Variants in ATP2B4 observed in about 807,000 individuals in gnomAD.
The protein encoded by ATP2B4 is ATPase plasma membrane Ca2+ transporting 4.
ATP2B4 carries 39 observed loss-of-function variants against 110.3 expected under a neutral mutation model. The ratio of observed to expected loss-of-function variants is 0.35; its 90% CI spans 0.27 to 0.46. ATP2B4 has a LOEUF of 0.46. Ranked by LOEUF, ATP2B4 falls within the 20% of genes least tolerant of loss-of-function variation. ATP2B4 has a pLI of 1.00. For synonymous variants in ATP2B4, 538 were observed against 571.7 expected, an observed-to-expected ratio of 0.94 and a Z score of 0.84; for missense variants, 1,135 against 1,530.9, an observed-to-expected ratio of 0.74 and a Z score of 4.32.
chr1:203,646,748 C>T (rs1270445041), intron 1 of ATP2B4, among the ~76,000 whole-genome samples: 1 of 151,848 alleles, frequency 6.6e-6, no homozygotes, highest in Admixed American at 6.6e-5. Context: ...GGTGACAGAG[C>T]GAGACTCCAT....
intron 1 of ATP2B4, among the ~76,000 whole-genome samples, chr1:203,670,212 G>C (rs369220709): frequency 7.4e-6 from 1 of 135,556 alleles, no homozygotes; most frequent in African/African-American, 3.3e-5. Flanking sequence ...GAGTCTCACT[G>C]TGTCACCCAG....
intron 20 of ATP2B4, among the ~76,000 whole-genome samples, chr1:203,731,909 T>C (rs1217849156): frequency 6.4e-5 from 9 of 140,840 alleles, no homozygotes; most frequent in Non-Finnish European, 9.1e-5. Context: ...CTGGGCACAG[T>C]GGCTCACGCC....
chr1:203,666,878 A>C (rs1040294670), intron 1 of ATP2B4, among the ~76,000 whole-genome samples: 1 of 152,200 alleles, frequency 6.6e-6, no homozygotes, highest in Non-Finnish European at 1.5e-5. Flanking sequence ...CTAAGAAGCC[A>C]CTTTGACCAT....
chr1:203,683,786 A>G (rs1394797085), intron 2 of ATP2B4, among the ~76,000 whole-genome samples: 6 of 142,282 alleles, frequency 4.2e-5, no homozygotes, highest in African/African-American at 1.6e-4. Flanking sequence ...CCATCTTCCT[A>G]CCTCAGTCTG....
Position 203,709,373 on chromosome 1 carries a change from A to C in ATP2B4, c.1630A>C (p.Thr544Pro), listed in dbSNP as rs1464352527. 6.2e-7 allele frequency: 1 copy of C among 1,614,158 alleles called. No homozygotes were observed. Among genetic ancestry groups the C allele is most frequent in the Non-Finnish European group, 8.5e-7 (1 of 1,180,028 alleles). Residue 544 changes from threonine to proline, a missense_variant, in exon 11 of 21, where the codon ACA becomes CCA. By Grantham distance (38) the Thr-to-Pro change is conservative (BLOSUM62 -1). This residue lies in a region of ATP2B4 where 368 missense variants were observed against 455.9 expected (regional missense o/e 0.81). Transcript: ENST00000357681. ...CGAGTGTGCTCTGCTAGGCTTTGTCACAGATCTGAAGCAGGATTATCAGGC... is the reference window on the plus strand; with the variant it reads ...CGAGTGTGCTCTGCTAGGCTTTGTCCCAGATCTGAAGCAGGATTATCAGGC... ...KTECALLGFV[T>P]DLKQDYQAVR... is the part of the protein sequence containing the mutation.
At chr1:203,640,134 A>AT (rs1414420783) in intron 1 of ATP2B4, among the ~76,000 whole-genome samples, 9 of 152,146 alleles carry the variant, frequency 5.9e-5, no homozygotes, top group Non-Finnish European at 1.0e-4. Context: ...AAAGTGCTAG[A>AT]TATACGTAAA....
intron 1 of ATP2B4, among the ~76,000 whole-genome samples, chr1:203,663,990 CTGAG>C (rs2102335771): frequency 1.3e-5 from 2 of 152,276 alleles, no homozygotes; most frequent in East Asian, 3.9e-4. Flanking sequence ...ATGGCCTTAA[CTGAG>C]TGAGTCACTT....
chr1:203,706,971 C>A, intron 8 of ATP2B4, 38 bp from the exon 9 acceptor site: 1 of 1,592,264 alleles, frequency 6.3e-7, no homozygotes, highest in East Asian at 2.2e-5. Context: ...TAGGACTGCC[C>A]TCCAGCCTGG....
rs1665627083 is a variant in ATP2B4, at chr1:203,699,464, T to C, written c.396T>C (p.Cys132=). 1 of 1,614,068 alleles carries C rather than the reference T, an allele frequency of 6.2e-7. No individual in the cohort carries two copies. Among genetic ancestry groups the C allele is most frequent in the Non-Finnish European group, 8.5e-7 (1 of 1,180,028 alleles). ...YRPAGEENEL[C]GQVATTPEDE... The stretch of plus-strand genomic sequence containing the variant: ...TTCTCTCCCTTCCTGGGATAGTGTG[T>C]GGTCAAGTCGCAACTACCCCAGAAG... Residue 132 remains cysteine (C), a synonymous_variant, in exon 4 of 21, where the codon TGT becomes TGC. Transcript: ENST00000357681.
rs1571718069 is a variant in ATP2B4 at position 203,682,964 on chromosome 1, C to T, written c.-242C>T. On this transcript the variant is annotated 5_prime_UTR_variant, in exon 2 of 21. Coordinates refer to ENST00000357681, the MANE Select transcript of ATP2B4 (RefSeq NM_001684.5). ...ATCATCGTGACACGGAGTCCACCTT[C>T]CACTCAGTTCCCCCATCCTCTTCCT... 4.5e-6 allele frequency: 2 copies of T among 439,748 alleles called. No homozygotes were observed. Among genetic ancestry groups the T allele is most frequent in the East Asian group, 8.0e-5 (2 of 25,078 alleles). The allele number at this position is 439,748 out of a possible 1,614,324, so 27.2% of individuals were successfully genotyped here.
chr1:203,727,591 T>A lies in ATP2B4; in HGVS notation c.3309+20T>A. 6.2e-7 allele frequency: 1 copy of A among 1,611,624 alleles called. No homozygotes were observed. Among genetic ancestry groups the A allele is most frequent in the Non-Finnish European group, 8.5e-7 (1 of 1,179,164 alleles). On this transcript the variant is annotated intron_variant, in intron 20 of 20. Transcript: ENST00000357681. ...ACTCAGGTACTCTGATAGTGGTCTG[T>A]CCTTCCCTTGGGAGAAGCAGCTTCC...
intron 1 of ATP2B4, among the ~76,000 whole-genome samples, chr1:203,671,028 C>T (rs1310143114): frequency 6.6e-6 from 1 of 152,196 alleles, no homozygotes; most frequent in African/African-American, 2.4e-5. Context: ...GTTAATGTGT[C>T]TGTTGGCAGT....
chr1:203,696,037 G>T (rs570702566), intron 2 of ATP2B4, among the ~76,000 whole-genome samples: 7 of 152,184 alleles, frequency 4.6e-5, no homozygotes, highest in Non-Finnish European at 1.0e-4. Context: ...CAATTCTCTT[G>T]CCTCAGCCTC....
intron 1 of ATP2B4, among the ~76,000 whole-genome samples, chr1:203,639,451 G>A (rs1663560145): frequency 6.6e-6 from 1 of 152,200 alleles, no homozygotes; most frequent in Non-Finnish European, 1.5e-5. Flanking sequence ...GGGACTCACA[G>A]CAAGCCCCGC....
intron 19 of ATP2B4, among the ~76,000 whole-genome samples, chr1:203,726,354 C>G (rs1016418719): frequency 6.6e-6 from 1 of 152,068 alleles, no homozygotes; most frequent in East Asian, 1.9e-4. Context: ...AGGCATGAAC[C>G]GCTGCACCCA....
Position 203,722,634 on chromosome 1 carries a change from G to T in ATP2B4, c.2969G>T (p.Gly990Val), listed in dbSNP as rs760671233. 3 of 1,614,144 alleles carry T rather than the reference G, an allele frequency of 1.9e-6. No homozygotes were observed. In the South Asian group the frequency reaches 3.3e-5, roughly 18 times the overall value. ...CATGGAGAGAAGAACGTCTTTTCAG[G>T]CATCTACCGCAACATTATCTTCTGC... is the stretch of plus-strand genomic sequence containing the variant. ...KIHGEKNVFS[G>V]IYRNIIFCSV... is the part of the protein sequence containing the mutation. Residue 990 changes from glycine (G) to valine (V), a missense_variant, in exon 18 of 21, where the codon GGC (glycine) becomes GTC (valine). By Grantham distance (109) the Gly-to-Val change is moderately radical. Coordinates refer to ENST00000357681, the MANE Select transcript of ATP2B4 (RefSeq NM_001684.5).
Position 203,645,590 on chromosome 1 carries a change from CT to C in ATP2B4, c.-465+18387del, listed in dbSNP as rs751707749. On this transcript the variant is annotated intron_variant, in intron 1 of 20. Coordinates refer to ENST00000357681, the MANE Select transcript of ATP2B4 (RefSeq NM_001684.5). The stretch of plus-strand genomic sequence containing the variant: ...TCCCAGCTTATACTCCCTTTTCTTT[CT>C]TTTTTTTTTTTTTTTCTGGAGATGG... 6.1e-3 allele frequency among the ~76,000 whole-genome samples: 842 copies of C among 138,478 alleles called. 7 individuals carry two copies. Among genetic ancestry groups the C allele is most frequent in the African/African-American group, 0.019 (734 of 37,950 alleles). The allele number at this position is 138,478 out of a possible 152,430, so 90.8% of individuals were successfully genotyped here.
At chr1:203,667,793 G>C (rs1314356497) in intron 1 of ATP2B4, among the ~76,000 whole-genome samples, 6 of 152,202 alleles carry the variant, frequency 3.9e-5, no homozygotes, top group Non-Finnish European at 8.8e-5. Flanking sequence ...CGTGTCCTCA[G>C]CTTCTCTGAG....
chr1:203,666,538 C>T (rs962023884), intron 1 of ATP2B4, among the ~76,000 whole-genome samples: 2 of 152,158 alleles, frequency 1.3e-5, no homozygotes, highest in Non-Finnish European at 2.9e-5. Flanking sequence ...CCCCGTTCTT[C>T]GTGCCTCCTA....
Sources: allele counts gnomAD v4.1 joint callset (sites outside exome capture counted in the v4.1 genomes callset), GRCh38; gene constraint gnomAD v4.1.1; regional missense constraint gnomAD v4.1.1; transcripts MANE v1.5; gene names NCBI Gene and HGNC (gene_info 2026-07-23, HGNC 2026-07-21).